The following NEURL1 variants were observed in gnomAD, a reference collection of about 807,000 sequenced individuals.
NEURL1 encodes the protein E3 ubiquitin-protein ligase NEURL1.
NEURL1 carries 26 observed loss-of-function variants against 41.2 expected under a neutral mutation model. The ratio of observed to expected loss-of-function variants is 0.63; its 90% CI spans 0.46 to 0.87. The LOEUF (loss-of-function observed/expected upper bound fraction) is 0.87, where lower values mean the gene tolerates loss of function less well. NEURL1 is among the 40% of genes least tolerant of loss of function. The pLI, the probability that NEURL1 is intolerant of heterozygous loss-of-function variation, is 0.00. For missense variants in NEURL1, 761 were observed against 871.1 expected, an observed-to-expected ratio of 0.87 and a Z score of 1.59; for synonymous variants, 400 against 402.3, an observed-to-expected ratio of 0.99 and a Z score of 0.07.
chr10:103,591,610 G>C lies in NEURL1; in HGVS notation c.*1238G>C, dbSNP rs1204735348. On this transcript the variant is annotated 3_prime_UTR_variant, in exon 6 of 6. Transcript: ENST00000369780. ...TCATGAACTGGAACTCCATAAGGAGGGGCCAAATTGGGAGGCCTTTTGGCA... is the reference window on the plus strand; with the variant it reads ...TCATGAACTGGAACTCCATAAGGAGCGGCCAAATTGGGAGGCCTTTTGGCA... 3.3e-5 allele frequency: 5 copies of C among 152,094 alleles called. No individual in the cohort carries two copies. The highest frequency in any genetic ancestry group is 1.2e-4 in the African/African-American group (5 of 41,372). The allele number at this position is 152,094 out of a possible 1,614,324, so 9.4% of individuals were successfully genotyped here.
At chr10:103,570,386 C>T (rs952811223) in intron 1 of NEURL1, among the ~76,000 whole-genome samples, 2 of 152,144 alleles carry the variant, frequency 1.3e-5, no homozygotes, top group African/African-American at 4.8e-5. Context: ...GTGACAGCCC[C>T]GAGGACAGGA....
At chr10:103,576,826 CT>C (rs1288155561) in intron 3 of NEURL1, among the ~76,000 whole-genome samples, 1 of 152,130 alleles carries the variant, frequency 6.6e-6, no homozygotes, top group Non-Finnish European at 1.5e-5. Flanking sequence ...GAGGAGAGAG[CT>C]GTATGGAGAC....
At chr10:103,502,902 G>A (rs1270029963) in intron 1 of NEURL1, among the ~76,000 whole-genome samples, 1 of 152,224 alleles carries the variant, frequency 6.6e-6, no homozygotes, top group Non-Finnish European at 1.5e-5. Context: ...GCTTCACGCT[G>A]AGCCGGTTGC....
At chr10:103,537,376 T>C (rs1178968726) in intron 1 of NEURL1, among the ~76,000 whole-genome samples, 1 of 152,192 alleles carries the variant, frequency 6.6e-6, no homozygotes, top group Admixed American at 6.5e-5. Context: ...TAACACTTTT[T>C]TCCCCCTACT....
At chr10:103,547,594 C>T (rs1452612420) in intron 1 of NEURL1, among the ~76,000 whole-genome samples, 1 of 152,230 alleles carries the variant, frequency 6.6e-6, no homozygotes, top group Admixed American at 6.5e-5. Context: ...GGAGGGGGGC[C>T]TCCCAGCTTT....
intron 1 of NEURL1, among the ~76,000 whole-genome samples, chr10:103,525,925 T>C (rs2034450420): frequency 6.6e-6 from 1 of 152,242 alleles, no homozygotes; most frequent in Admixed American, 6.5e-5. Context: ...ACTCCTTCTA[T>C]ACCTAACTTG....
At chr10:103,504,760 C>T (rs915759010) in intron 1 of NEURL1, among the ~76,000 whole-genome samples, 3 of 152,188 alleles carry the variant, frequency 2.0e-5, no homozygotes, top group Admixed American at 6.5e-5. Flanking sequence ...CAGTTCTTCT[C>T]CACTACTTCT....
chr10:103,562,317 A>G (rs2035312432), intron 1 of NEURL1, among the ~76,000 whole-genome samples: 1 of 152,224 alleles, frequency 6.6e-6, no homozygotes, highest in Non-Finnish European at 1.5e-5. Flanking sequence ...TGGGAGGCGG[A>G]GGTTGCAGTG....
chr10:103,520,230 GACC>G (rs1416824047), intron 1 of NEURL1, among the ~76,000 whole-genome samples: 1 of 152,216 alleles, frequency 6.6e-6, no homozygotes, highest in East Asian at 1.9e-4. Flanking sequence ...CGTGTGAAGA[GACC>G]ACCAAACAGG....
At position 103,584,593 on chromosome 10, in the gene NEURL1, G is replaced by A. The variant is rs2035857147; in HGVS notation, c.707G>A (p.Arg236Gln). 4 of 1,415,154 alleles carry A rather than the reference G, an allele frequency of 2.8e-6. No homozygotes were observed. The highest frequency in any genetic ancestry group is 1.5e-5 in the South Asian group (1 of 67,270). 87.7% of individuals were successfully genotyped at this position (1,415,154 alleles called of 1,614,324 possible). A position where few individuals can be genotyped will look rare whatever the true frequency, so the allele number is the denominator to read the frequency against. Reference protein sequence around the residue: ...LRPRSFTALRRPSLRREADDA... With the variant: ...LRPRSFTALRQPSLRREADDA... ...CCGCGCTCCTTCACCGCCCTGCGGC[G>A]GCCGTCGCTGCGGCGCGAGGCGGAC... Residue 236 changes from arginine (R) to glutamine (Q), a missense_variant, in exon 4 of 6, where the codon CGG becomes CAG. Coordinates refer to ENST00000369780, the MANE Select transcript of NEURL1 (RefSeq NM_004210.5).
chr10:103,502,636 A>G (rs2033850655), intron 1 of NEURL1, among the ~76,000 whole-genome samples: 1 of 152,230 alleles, frequency 6.6e-6, no homozygotes, highest in Non-Finnish European at 1.5e-5. Context: ...GGGGGCGGGT[A>G]AAATTCAGTC....
chr10:103,565,454 T>C (rs1175496289), intron 1 of NEURL1, among the ~76,000 whole-genome samples: 12 of 152,152 alleles, frequency 7.9e-5, no homozygotes, highest in Non-Finnish European at 1.5e-4. Flanking sequence ...GAACCCCCGT[T>C]CTGTTTCACA....
In NEURL1 at chr10:103,555,199, C is replaced by A. The variant is rs546184966; in HGVS notation, c.86-15673C>A. On this transcript the variant is annotated intron_variant, in intron 1 of 5. Transcript: ENST00000369780. ...CGGCTGGCCGCGGGCGGGCGGCGTG[C>A]GCGTGTGCCGGAGGGGGCGCGTGGG... 394 of 593,118 alleles carry A rather than the reference C, an allele frequency of 6.6e-4. 11 individuals carry two copies. The South Asian group carries it at 0.025, about 37-fold the overall frequency. The allele number at this position is 593,118 out of a possible 1,614,324, so 36.7% of individuals were successfully genotyped here. A position where few individuals can be genotyped will look rare whatever the true frequency, so the allele number is the denominator to read the frequency against.
chr10:103,586,019 C>T (rs567220688), intron 4 of NEURL1, among the ~76,000 whole-genome samples: 17 of 150,562 alleles, frequency 1.1e-4, no homozygotes, highest in Admixed American at 5.3e-4. Flanking sequence ...TCGGGGGAAT[C>T]CCTGAGCAGG....
At chr10:103,512,051 A>G (rs1339115520) in intron 1 of NEURL1, 2 of 152,222 alleles carry the variant, frequency 1.3e-5, no homozygotes, top group African/African-American at 4.8e-5. Flanking sequence ...TCATTCATTC[A>G]TTGATGGCAC....
intron 1 of NEURL1, among the ~76,000 whole-genome samples, chr10:103,559,973 CAT>C (rs112314290): frequency 0.01 from 1,526 of 151,868 alleles, 17 homozygotes; most frequent in African/African-American, 0.031. Context: ...CATATATACA[CAT>C]ATGCACATGC....
intron 3 of NEURL1, among the ~76,000 whole-genome samples, chr10:103,574,571 G>A (rs1215453358): frequency 6.6e-6 from 1 of 152,218 alleles, no homozygotes; most frequent in Non-Finnish European, 1.5e-5. Flanking sequence ...TGAGGTCAGT[G>A]GGGGAGGATG....
At position 103,539,674 on chromosome 10, in the gene NEURL1, C is replaced by T. The variant is rs114267946; in HGVS notation, c.86-31198C>T. Among the ~76,000 whole-genome samples the T allele has an allele frequency of 2.1e-3, 324 of 152,342 alleles. 1 individual carries two copies. Among genetic ancestry groups the T allele is most frequent in the African/African-American group, 6.4e-3 (266 of 41,578 alleles). On this transcript the variant is annotated intron_variant, in intron 1 of 5. Coordinates refer to ENST00000369780, the MANE Select transcript of NEURL1 (RefSeq NM_004210.5). ...AGAATGTTCTCCAGAGGAAATGGAACTCATCTTATGGCTGAGGACCCTGTT... is the reference window on the plus strand; with the variant it reads ...AGAATGTTCTCCAGAGGAAATGGAATTCATCTTATGGCTGAGGACCCTGTT...
At chr10:103,589,448 CAG>C (rs2035991331) in intron 4 of NEURL1, 64 bp from the exon 5 acceptor site, 3 of 1,516,356 alleles carry the variant, frequency 2.0e-6, no homozygotes, top group Non-Finnish European at 1.8e-6. Context: ...CTGTGAGGGA[CAG>C]AGCTTTCTCC....
Sources: gnomAD v4.1 joint callset for allele counts (sites outside exome capture counted in the v4.1 genomes callset) on GRCh38, gnomAD v4.1.1 for gene constraint, MANE v1.5 for transcripts, NCBI Gene and HGNC (gene_info 2026-07-23, HGNC 2026-07-21) for gene names.